CRPPA: variants seen among roughly 807,000 people sequenced by gnomAD.
CRPPA encodes D-ribitol-5-phosphate cytidylyltransferase.
CRPPA carries 43 observed loss-of-function variants against 52.0 expected under a neutral mutation model. The ratio of observed to expected loss-of-function variants is 0.83; its 90% CI spans 0.65 to 1.07. The LOEUF (loss-of-function observed/expected upper bound fraction) is 1.07. Among genes scored for constraint, CRPPA ranks in the 50% least tolerant of loss-of-function variants. CRPPA has a pLI of 0.00. For missense variants in CRPPA, 629 were observed against 551.7 expected, an observed-to-expected ratio of 1.14 and a Z score of -1.40; for synonymous variants, 250 against 203.5, an observed-to-expected ratio of 1.23 and a Z score of -1.94.
In CRPPA at chr7:16,087,760, C is replaced by G. The variant is rs1457517115; in HGVS notation, c.*3935G>C. 6.6e-6 allele frequency: 1 copy of G among 152,150 alleles called. No individual in the cohort carries two copies. The highest frequency in any genetic ancestry group is 1.5e-5 in the Non-Finnish European group (1 of 68,020). The allele number at this position is 152,150 out of a possible 1,614,324, so 9.4% of individuals were successfully genotyped here. ...AACAAATCCTATATCAATTAAAATG[C>G]TTCATTATTCTGTTTTCAAATTAAA... On this transcript the variant is annotated 3_prime_UTR_variant, in exon 10 of 10. Transcript: ENST00000407010.
chr7:16,184,791 T>C (rs533535329), intron 9 of CRPPA, among the ~76,000 whole-genome samples: 118 of 152,366 alleles, frequency 7.7e-4, no homozygotes, highest in South Asian at 1.7e-3. Context: ...ATTGGGTTTT[T>C]ATAGTTTTGG....
chr7:16,301,422 C>A lies in CRPPA; in HGVS notation c.834G>T (p.Lys278Asn). Reference sequence around the variant, plus strand: ...TGACAGTCATAAGGCCAAACATACCCTTAATAATCGATTCAGCCGCATAGA... The same window carrying A: ...TGACAGTCATAAGGCCAAACATACCATTAATAATCGATTCAGCCGCATAGA... ...RDLYAAESII[K>N]ERISQEICVV... is the part of the protein sequence containing the mutation. The change falls in exon 5 of 10, where the codon AAG becomes AAT. Residue 278 changes from lysine (K) to asparagine (N), a missense_variant and splice_region_variant. Lys to Asn is a moderately conservative substitution (Grantham distance 94, BLOSUM62 0). Coordinates refer to ENST00000407010, the MANE Select transcript of CRPPA (RefSeq NM_001101426.4). 1 of 1,612,272 alleles carries A rather than the reference C, an allele frequency of 6.2e-7. No homozygotes were observed. Among genetic ancestry groups the A allele is most frequent in the South Asian group, 1.1e-5 (1 of 90,678 alleles).
At chr7:16,315,293 C>A (rs1785121203) in intron 3 of CRPPA, among the ~76,000 whole-genome samples, 1 of 152,122 alleles carries the variant, frequency 6.6e-6, no homozygotes, top group East Asian at 1.9e-4. Flanking sequence ...CCATGAGAGT[C>A]CTTGTCATAT....
intron 9 of CRPPA, among the ~76,000 whole-genome samples, chr7:16,169,446 A>G (rs1781132014): frequency 6.6e-6 from 1 of 152,232 alleles, no homozygotes; most frequent in Non-Finnish European, 1.5e-5. Flanking sequence ...TGTGTGCCAG[A>G]AAGGTGAATA....
chr7:16,223,638 A>G (rs1303727347), intron 8 of CRPPA, among the ~76,000 whole-genome samples: 1 of 152,168 alleles, frequency 6.6e-6, no homozygotes, highest in East Asian at 1.9e-4. Flanking sequence ...TATACCAACT[A>G]CTTAGGTGTT....
In CRPPA at chr7:16,089,566, CAT is replaced by C. The variant is rs762738628; in HGVS notation, c.*2127_*2128del. 12 of 235,044 alleles carry C rather than the reference CAT, an allele frequency of 5.1e-5. No homozygotes were observed. In the East Asian group the frequency reaches 8.1e-4, roughly 16 times the overall value. The allele number at this position is 235,044 out of a possible 1,614,324, so 14.6% of individuals were successfully genotyped here. A position where few individuals can be genotyped will look rare whatever the true frequency, so the allele number is the denominator to read the frequency against. On this transcript the variant is annotated 3_prime_UTR_variant, in exon 10 of 10. Coordinates refer to ENST00000407010, the MANE Select transcript of CRPPA (RefSeq NM_001101426.4). ...ATATGTATATACATGTAAGTATATA[CAT>C]ATATATGGGTATACATGCATGTATA...
chr7:16,247,560 G>A (rs1783312572), intron 8 of CRPPA, among the ~76,000 whole-genome samples: 1 of 152,086 alleles, frequency 6.6e-6, no homozygotes, highest in Non-Finnish European at 1.5e-5. Context: ...ACTACCCATA[G>A]CAGATATAAT....
intron 9 of CRPPA, among the ~76,000 whole-genome samples, chr7:16,206,915 T>C (rs908333307): frequency 6.6e-6 from 1 of 152,132 alleles, no homozygotes; most frequent in African/African-American, 2.4e-5. Flanking sequence ...TGAATCTTAA[T>C]TAAAGTATAC....
chr7:16,343,751 T>C (rs774866043), intron 3 of CRPPA, among the ~76,000 whole-genome samples: 1 of 152,170 alleles, frequency 6.6e-6, no homozygotes, highest in Non-Finnish European at 1.5e-5. Context: ...AAATGCCACA[T>C]ACGTGCATTG....
At chr7:16,155,106 C>A (rs190644117) in intron 9 of CRPPA, among the ~76,000 whole-genome samples, 1 of 151,848 alleles carries the variant, frequency 6.6e-6, no homozygotes, top group East Asian at 1.9e-4. Context: ...AGGGGTTAGC[C>A]GCCACCCCAG....
intron 9 of CRPPA, among the ~76,000 whole-genome samples, chr7:16,125,088 C>T (rs530395759): frequency 7.9e-5 from 12 of 151,440 alleles, no homozygotes; most frequent in Admixed American, 6.6e-4. Flanking sequence ...AGTGAACCCC[C>T]ATCTCTACTA....
intron 3 of CRPPA, among the ~76,000 whole-genome samples, chr7:16,342,778 A>AT (rs1486644014): frequency 0.017 from 1,115 of 67,506 alleles, 122 homozygotes; most frequent in Middle Eastern, 0.021. Flanking sequence ...AAAAAAAAAA[A>AT]AAAAATATAT....
intron 9 of CRPPA, among the ~76,000 whole-genome samples, chr7:16,115,457 A>T (rs1782351082): frequency 6.6e-6 from 1 of 152,180 alleles, no homozygotes; most frequent in Non-Finnish European, 1.5e-5. Context: ...TCAGTTACAA[A>T]TGTAGAAATA....
intron 3 of CRPPA, among the ~76,000 whole-genome samples, chr7:16,327,599 CAAAAAAAAAAAAAAAAAA>C (rs71007762): frequency 1.4e-5 from 1 of 70,086 alleles, no homozygotes; most frequent in African/African-American, 5.9e-5. Flanking sequence ...GACTCCGTCT[CAAAAAAAAAAAAAAAAAA>C]AAAAAAAAAA....
At chr7:16,405,242 C>G (rs565032191) in intron 2 of CRPPA, among the ~76,000 whole-genome samples, 1 of 151,882 alleles carries the variant, frequency 6.6e-6, no homozygotes, top group Non-Finnish European at 1.5e-5. Flanking sequence ...TTATTAATAC[C>G]CTTTAAGCAC....
At chr7:16,124,107 C>CTTTTTTTTTTTTTTTTT (rs35595388) in intron 9 of CRPPA, among the ~76,000 whole-genome samples, 1 of 133,614 alleles carries the variant, frequency 7.5e-6, no homozygotes, top group African/African-American at 2.8e-5. Flanking sequence ...CAATTTCTTT[C>CTTTTTTTTTTTTTTTTT]TTTTTTTATT....
At position 16,230,805 on chromosome 7, in the gene CRPPA, T is replaced by C. The variant is rs1030839328; in HGVS notation, c.1120-14608A>G. Among the ~76,000 whole-genome samples the C allele has an allele frequency of 5.3e-5, 8 of 152,192 alleles. No individual in the cohort carries two copies. In the South Asian group the frequency reaches 1.2e-3, roughly 24 times the overall value. On this transcript the variant is annotated intron_variant, in intron 8 of 9. Transcript: ENST00000407010. ...TTTGGCTTTGCCTGGTATAGCTCTG[T>C]AGCAGGTGTGACAATGCCAGAAGCC...
intron 2 of CRPPA, among the ~76,000 whole-genome samples, chr7:16,404,115 G>A (rs143264557): frequency 1.3e-5 from 2 of 152,204 alleles, no homozygotes; most frequent in African/African-American, 2.4e-5. Context: ...AAACATGGAT[G>A]TATATAAAAC....
intron 5 of CRPPA, among the ~76,000 whole-genome samples, chr7:16,297,872 T>G (rs1450085695): frequency 1.3e-5 from 2 of 152,304 alleles, no homozygotes; most frequent in East Asian, 3.9e-4. Context: ...GGACTTAGCC[T>G]CCATCATCAC....
Sources: gnomAD v4.1 joint callset for allele counts (sites outside exome capture counted in the v4.1 genomes callset) on GRCh38, gnomAD v4.1.1 for gene constraint, MANE v1.5 for transcripts, NCBI Gene and HGNC (gene_info 2026-07-23, HGNC 2026-07-21) for gene names.